Variants in RBFOX1 observed in about 807,000 individuals in gnomAD.
RBFOX1 encodes the protein RNA binding fox-1 homolog 1.
RBFOX1 carries 8 observed loss-of-function variants against 57.7 expected under a neutral mutation model. The observed-to-expected ratio is 0.14, with a 90% CI of 0.08 to 0.25. The LOEUF (loss-of-function observed/expected upper bound fraction) is 0.25, where lower values mean the gene tolerates loss of function less well. Among genes scored for constraint, RBFOX1 ranks in the 10% least tolerant of loss-of-function variants. The probability of loss-of-function intolerance (pLI) is 1.00; values close to 1 mark genes in which losing one functional copy is unlikely to be tolerated. For synonymous variants in RBFOX1, 326 were observed against 222.4 expected (o/e 1.47, Z -4.15); for missense variants, 611 against 548.5 (o/e 1.11, Z -1.14).
chr16:5,968,286 G>C (rs1228164732), intron 4 of RBFOX1, among the ~76,000 whole-genome samples: 5 of 152,140 alleles, frequency 3.3e-5, no homozygotes, highest in Non-Finnish European at 1.5e-5. Context: ...TGTTGGCCCG[G>C]CTGGTCTCAA....
intron 3 of RBFOX1, among the ~76,000 whole-genome samples, chr16:6,666,427 C>T (rs1158356815): frequency 6.6e-6 from 1 of 151,012 alleles, no homozygotes; most frequent in African/African-American, 2.4e-5. Context: ...CCTAGCCATG[C>T]TATTCGGGAA....
chr16:7,253,985 T>G (rs1376497191), intron 4 of RBFOX1, among the ~76,000 whole-genome samples: 1 of 152,170 alleles, frequency 6.6e-6, no homozygotes, highest in Non-Finnish European at 1.5e-5. Flanking sequence ...AGAATTGCCT[T>G]GAAAATACGT....
intron 1 of RBFOX1, among the ~76,000 whole-genome samples, chr16:5,276,068 A>AAACC (rs2063133378): frequency 6.6e-6 from 1 of 152,262 alleles, no homozygotes; most frequent in Non-Finnish European, 1.5e-5. Context: ...CTAAGGTCTG[A>AAACC]AACCATAAAA....
At chr16:6,829,513 A>G (rs1314659860) in intron 3 of RBFOX1, among the ~76,000 whole-genome samples, 1 of 151,318 alleles carries the variant, frequency 6.6e-6, no homozygotes, top group Non-Finnish European at 1.5e-5. Context: ...ACGTTAACTT[A>G]TAGGTACTTA....
chr16:6,043,120 G>GAAAAAAAAAAAAAAAAAAAAAAAAAAA (rs570358262), intron 1 of RBFOX1, among the ~76,000 whole-genome samples: 1 of 70,254 alleles, frequency 1.4e-5, no homozygotes, highest in African/African-American at 5.4e-5. Flanking sequence ...TGTGTTTCCA[G>GAAAAAAAAAAAAAAAAAAAAAAAAAAA]AAAAAAAAAA....
intron 10 of RBFOX1, among the ~76,000 whole-genome samples, chr16:7,618,003 A>G (rs928992494): frequency 9.9e-6 from 1 of 100,832 alleles, no homozygotes; most frequent in African/African-American, 2.8e-5. Context: ...CCATTGAGAA[A>G]ACTTAAAAAA....
At chr16:5,920,391 G>C (rs987277512) in intron 4 of RBFOX1, among the ~76,000 whole-genome samples, 5 of 152,154 alleles carry the variant, frequency 3.3e-5, no homozygotes, top group African/African-American at 1.2e-4. Flanking sequence ...CCTTTGGATT[G>C]TTTAGAGCTG....
At chr16:7,674,920 G>C (rs1281772842) in intron 13 of RBFOX1, among the ~76,000 whole-genome samples, 1 of 152,214 alleles carries the variant, frequency 6.6e-6, no homozygotes, top group Non-Finnish European at 1.5e-5. Context: ...GATGTTGCTA[G>C]ACATCTTTGG....
chr16:7,657,741 G>A (rs2066679676), intron 12 of RBFOX1, among the ~76,000 whole-genome samples: 1 of 152,160 alleles, frequency 6.6e-6, no homozygotes, highest in Non-Finnish European at 1.5e-5. Flanking sequence ...AAACCTCTTG[G>A]GACATTAACA....
At chr16:6,949,721 C>T (rs574848892) in intron 3 of RBFOX1, among the ~76,000 whole-genome samples, 8 of 152,204 alleles carry the variant, frequency 5.3e-5, no homozygotes, top group African/African-American at 1.7e-4. Context: ...CATATAGTCA[C>T]GTTAGGAGTT....
At chr16:7,485,612 A>C (rs2065169985) in intron 4 of RBFOX1, among the ~76,000 whole-genome samples, 1 of 152,214 alleles carries the variant, frequency 6.6e-6, no homozygotes, top group Admixed American at 6.5e-5. Flanking sequence ...CCCATACCTC[A>C]AGATTATAAA....
At chr16:7,176,586 G>C (rs919709569) in intron 4 of RBFOX1, among the ~76,000 whole-genome samples, 7 of 152,144 alleles carry the variant, frequency 4.6e-5, no homozygotes, top group African/African-American at 1.2e-4. Context: ...GGCTGTGTTT[G>C]TGCTACAACG....
chr16:7,242,638 G>A (rs1232644545), intron 4 of RBFOX1, among the ~76,000 whole-genome samples: 1 of 152,228 alleles, frequency 6.6e-6, no homozygotes, highest in African/African-American at 2.4e-5. Context: ...AGGATGCTCA[G>A]CATGCAGTCA....
chr16:6,872,000 G>C (rs966203281), intron 3 of RBFOX1, among the ~76,000 whole-genome samples: 2 of 149,712 alleles, frequency 1.3e-5, no homozygotes, highest in African/African-American at 2.5e-5. Context: ...GAAACCCTTT[G>C]TATACTCAAT....
intron 4 of RBFOX1, among the ~76,000 whole-genome samples, chr16:7,110,878 G>T (rs994763591): frequency 6.6e-5 from 10 of 152,250 alleles, no homozygotes; most frequent in African/African-American, 2.4e-4. Flanking sequence ...TCCCATCCCA[G>T]GGTCAGCTGT....
chr16:5,460,331 G>A lies in RBFOX1; in HGVS notation c.220-6885G>A, dbSNP rs138886128. Among the ~76,000 whole-genome samples, 1,291 of 152,282 alleles carry A rather than the reference G, an allele frequency of 8.5e-3. 8 individuals are homozygous for A. The highest frequency in any genetic ancestry group is 0.017 in the Middle Eastern group (5 of 294). On this transcript the variant is annotated intron_variant, in intron 1 of 2. Coordinates refer to the RBFOX1 transcript ENST00000585867. ...TAATAATCTTGTGGTCTTATCATAA[G>A]GACTAAACGTTTTAATTCTTGTATA...
Position 6,864,971 on chromosome 16 carries a change from A to G in RBFOX1, c.-15-187086A>G, listed in dbSNP as rs1442013959. 2.7e-5 allele frequency among the ~76,000 whole-genome samples: 4 copies of G among 145,578 alleles called. No homozygotes were observed. In the East Asian group the frequency reaches 8.0e-4, roughly 29 times the overall value. On this transcript the variant is annotated intron_variant, in intron 3 of 15. Coordinates refer to ENST00000550418, the MANE Select transcript of RBFOX1 (RefSeq NM_018723.4). ...GCCCTGTTCCTCAATCCCAGTGCCA[A>G]TGTTGGAGTGGGTTTTTCTTTTTCT...
chr16:6,776,674 G>A (rs181257780), intron 3 of RBFOX1, among the ~76,000 whole-genome samples: 27 of 152,168 alleles, frequency 1.8e-4, no homozygotes, highest in African/African-American at 4.8e-4. Context: ...TTATTATAAA[G>A]GTAACAAGGT....
chr16:7,614,418 G>C (rs555309614), intron 10 of RBFOX1: 2 of 149,144 alleles, frequency 1.3e-5, no homozygotes, highest in South Asian at 2.2e-4. Flanking sequence ...TTTTATCTGC[G>C]TCCTTCTAGA....
Sources: gnomAD v4.1 joint callset for allele counts (sites outside exome capture counted in the v4.1 genomes callset) on GRCh38, gnomAD v4.1.1 for gene constraint, MANE v1.5 for transcripts, NCBI Gene and HGNC (gene_info 2026-07-23, HGNC 2026-07-21) for gene names.